The following PRCP variants were observed in gnomAD, a reference collection of about 807,000 sequenced individuals.
PRCP encodes the protein prolylcarboxypeptidase.
Under a neutral mutation model 54.2 loss-of-function variants are expected in PRCP, and 46 were observed. The observed-to-expected ratio is 0.85, with a 90% CI of 0.67 to 1.09. The LOEUF is 1.09. PRCP is among the 50% of genes least tolerant of loss of function. PRCP has a pLI of 0.00. For synonymous variants in PRCP, 240 were observed against 212.2 expected (o/e 1.13, Z -1.14); for missense variants, 613 against 596.8 (o/e 1.03, Z -0.28).
chr11:82,880,125 G>C (rs920176121), intron 1 of PRCP, among the ~76,000 whole-genome samples: 1 of 152,230 alleles, frequency 6.6e-6, no homozygotes, highest in African/African-American at 2.4e-5. Flanking sequence ...GCTATGCCCT[G>C]CCCCCAGAGG....
chr11:82,850,314 A>C lies in PRCP; in HGVS notation c.593+10T>G. 1.3e-6 allele frequency: 2 copies of C among 1,502,808 alleles called. No individual in the cohort carries two copies. Among genetic ancestry groups the C allele is most frequent in the Non-Finnish European group, 1.8e-6 (2 of 1,120,806 alleles). 93.1% of individuals were successfully genotyped at this position (1,502,808 alleles called of 1,614,324 possible). On this transcript the variant is annotated intron_variant, in intron 4 of 8. Transcript: ENST00000313010. ...TAAGAAACGTTCATGTCCAGTACAA[A>C]TGCACTTACCCAACTACCATATGAG...
At chr11:82,835,642 G>A (rs1216094404) in intron 8 of PRCP, 11 of 308,014 alleles carry the variant, frequency 3.6e-5, no homozygotes, top group Admixed American at 1.7e-4. Context: ...AACCAGCTGA[G>A]GACAACGATG....
intron 6 of PRCP, among the ~76,000 whole-genome samples, chr11:82,846,620 C>A (rs5006165): frequency 0.46 from 70,561 of 151,800 alleles, 16,537 homozygotes; most frequent in Admixed American, 0.52. Flanking sequence ...AGGGAAAGAC[C>A]TAAAGATATC....
intron 5 of PRCP, 80 bp from the exon 6 acceptor site, chr11:82,849,298 G>T: frequency 6.8e-7 from 1 of 1,461,660 alleles, no homozygotes; most frequent in Non-Finnish European, 9.3e-7. Flanking sequence ...TCTTCACATA[G>T]TATTTTAGAA....
intron 1 of PRCP, among the ~76,000 whole-genome samples, chr11:82,899,307 C>T (rs978862149): frequency 3.9e-5 from 6 of 152,186 alleles, no homozygotes. Flanking sequence ...TCAACCATCA[C>T]CACAAACCCC....
intron 8 of PRCP, chr11:82,836,195 G>GAAAAAAAAAAA (rs767035852): frequency 1.3e-5 from 1 of 79,468 alleles, no homozygotes; most frequent in African/African-American, 5.4e-5. Context: ...TCCATCTCGA[G>GAAAAAAAAAAA]GAAAAAAAAA....
At chr11:82,900,173 C>A in intron 1 of PRCP, 62 bp downstream of exon 1, 1 of 1,580,090 alleles carries the variant, frequency 6.3e-7, no homozygotes, top group South Asian at 1.1e-5. Context: ...GTTGCCCGGG[C>A]TCTGAGGGTC....
At chr11:82,900,843 T>C, upstream of PRCP, 2 of 460,232 alleles carry the variant, frequency 4.3e-6, no homozygotes, top group South Asian at 1.5e-5. Context: ...ACCTCCTGCC[T>C]TCCGCAAATC....
At chr11:82,874,690 CAAAA>C (rs36084037) in intron 1 of PRCP, among the ~76,000 whole-genome samples, 3 of 68,836 alleles carry the variant, frequency 4.4e-5, no homozygotes, top group African/African-American at 4.2e-5. Flanking sequence ...GACCCTGTCT[CAAAA>C]AAAAAAAAAA....
intron 1 of PRCP, among the ~76,000 whole-genome samples, chr11:82,863,579 AGTC>A (rs1283313837): frequency 1.3e-5 from 2 of 152,230 alleles, no homozygotes; most frequent in Non-Finnish European, 2.9e-5. Context: ...TACAGAACTG[AGTC>A]TTCATGTAAA....
intron 6 of PRCP, among the ~76,000 whole-genome samples, chr11:82,843,008 TA>T (rs1674348116): frequency 6.6e-6 from 1 of 152,208 alleles, no homozygotes; most frequent in Admixed American, 6.5e-5. Context: ...TATGCTTATT[TA>T]AAGACTAGAG....
chr11:82,881,354 C>T (rs1039726925), intron 1 of PRCP, among the ~76,000 whole-genome samples: 10 of 152,182 alleles, frequency 6.6e-5, no homozygotes, highest in East Asian at 1.9e-4. Context: ...ACCCGTTCAA[C>T]GTCATCTGAA....
chr11:82,842,059 G>C (rs1350588972), intron 6 of PRCP, among the ~76,000 whole-genome samples: 1 of 152,192 alleles, frequency 6.6e-6, no homozygotes, highest in Non-Finnish European at 1.5e-5. Context: ...GGCAGGGGGA[G>C]AGGAGGTAGT....
intron 6 of PRCP, among the ~76,000 whole-genome samples, chr11:82,841,268 G>GA (rs35181078): frequency 7.4e-4 from 104 of 141,140 alleles, no homozygotes; most frequent in Admixed American, 2.8e-3. Flanking sequence ...GCCAGCGGGG[G>GA]AAAAAAAAAA....
chr11:82,894,096 T>TA (rs1197188547), intron 1 of PRCP, among the ~76,000 whole-genome samples: 1 of 151,900 alleles, frequency 6.6e-6, no homozygotes, highest in Non-Finnish European at 1.5e-5. Context: ...CAGAACCATA[T>TA]AAAAAAATAA....
intron 6 of PRCP, among the ~76,000 whole-genome samples, chr11:82,842,435 G>A (rs1322780892): frequency 6.6e-6 from 1 of 152,124 alleles, no homozygotes; most frequent in Admixed American, 6.5e-5. Context: ...ACTGGATCCA[G>A]CTTTGTACAC....
chr11:82,844,068 T>C (rs1004746535), intron 6 of PRCP, among the ~76,000 whole-genome samples: 4 of 151,686 alleles, frequency 2.6e-5, no homozygotes, highest in African/African-American at 9.7e-5. Context: ...AATCATCTGG[T>C]TTCCCAATAT....
Position 82,824,707 on chromosome 11 carries a change from T to G in PRCP, c.*199A>C. ...TCAAGAAGATTCTTCCTAGACGTGG[T>G]GCAAAGACAGTGAGAACCCAGGAAA... On this transcript the variant is annotated 3_prime_UTR_variant, in exon 9 of 9. Coordinates refer to ENST00000313010, the MANE Select transcript of PRCP (RefSeq NM_005040.4). 1 of 584,684 alleles carries G rather than the reference T, an allele frequency of 1.7e-6. No individual in the cohort carries two copies. Among genetic ancestry groups the G allele is most frequent in the Non-Finnish European group, 3.0e-6 (1 of 333,708 alleles). The allele number at this position is 584,684 out of a possible 1,614,324, so 36.2% of individuals were successfully genotyped here.
At chr11:82,896,749 G>C (rs1166273278) in intron 1 of PRCP, among the ~76,000 whole-genome samples, 1 of 151,134 alleles carries the variant, frequency 6.6e-6, no homozygotes, top group African/African-American at 2.4e-5. Context: ...CAGAATGCCT[G>C]GGCATCCAAA....
Sources: allele counts gnomAD v4.1 joint callset (sites outside exome capture counted in the v4.1 genomes callset), GRCh38; gene constraint gnomAD v4.1.1; transcripts MANE v1.5; gene names NCBI Gene and HGNC (gene_info 2026-07-23, HGNC 2026-07-21).